The following EML6 variants were observed in gnomAD, a reference collection of about 807,000 sequenced individuals.
The protein encoded by EML6 is EMAP like 6.
A neutral mutation model predicts 240.1 loss-of-function variants in EML6; 154 were observed. The observed-to-expected ratio is 0.64, with a 90% CI of 0.56 to 0.73. EML6 has a LOEUF of 0.73. Among genes scored for constraint, EML6 ranks in the 30% least tolerant of loss-of-function variants. The pLI is 0.00. For missense variants in EML6, 2,964 were observed against 2,474.6 expected (o/e 1.20, Z -4.20); for synonymous variants, 1,148 against 899.0 (o/e 1.28, Z -4.95).
intron 28 of EML6, among the ~76,000 whole-genome samples, chr2:54,934,129 T>C (rs552215343): frequency 1.3e-5 from 2 of 152,330 alleles, no homozygotes; most frequent in African/African-American, 4.8e-5. Flanking sequence ...GTAATGTGAA[T>C]GTTGGAAAAT....
chr2:54,759,511 T>G (rs1195422029), intron 2 of EML6, among the ~76,000 whole-genome samples: 1 of 152,158 alleles, frequency 6.6e-6, no homozygotes, highest in African/African-American at 2.4e-5. Context: ...ACTAAACGCA[T>G]AGTAACTTTA....
intron 10 of EML6, among the ~76,000 whole-genome samples, chr2:54,852,762 C>T (rs1051063812): frequency 6.6e-6 from 1 of 152,142 alleles, no homozygotes; most frequent in Non-Finnish European, 1.5e-5. Context: ...TTATTCTCAC[C>T]AGTTCTTTAT....
chr2:54,723,941 G>C (rs1390377689), intron 1 of EML6, among the ~76,000 whole-genome samples, 164 bp downstream of exon 1: 1 of 152,220 alleles, frequency 6.6e-6, no homozygotes, highest in Non-Finnish European at 1.5e-5. Context: ...GTCTGTGGGG[G>C]GTTGCTGTCC....
At chr2:54,923,034 C>T (rs984784110) in intron 26 of EML6, among the ~76,000 whole-genome samples, 17 of 149,796 alleles carry the variant, frequency 1.1e-4, no homozygotes, top group Admixed American at 7.4e-4. Context: ...CTCTGCCTCC[C>T]GGGTTCAACC....
intron 2 of EML6, among the ~76,000 whole-genome samples, chr2:54,797,996 T>C (rs6737973): frequency 6.6e-6 from 1 of 152,192 alleles, no homozygotes; most frequent in Non-Finnish European, 1.5e-5. Context: ...TGTACTTCAA[T>C]ATAAGTGTCT....
intron 28 of EML6, among the ~76,000 whole-genome samples, chr2:54,944,012 C>G (rs1675558392): frequency 6.6e-6 from 1 of 152,152 alleles, no homozygotes; most frequent in Admixed American, 6.6e-5. Flanking sequence ...GCCTCCCTCT[C>G]TCTTCTCAGT....
chr2:54,850,449 C>T, intron 10 of EML6: 1 of 486,216 alleles, frequency 2.1e-6, no homozygotes, highest in South Asian at 3.0e-5. Flanking sequence ...AAAGTTGCTG[C>T]ACAACAAGGG....
intron 2 of EML6, among the ~76,000 whole-genome samples, chr2:54,791,385 G>T (rs1379177908): frequency 6.6e-6 from 1 of 152,200 alleles, no homozygotes; most frequent in African/African-American, 2.4e-5. Flanking sequence ...AAATGAGAAT[G>T]AGTCCGAATT....
chr2:54,965,624 A>C (rs1676714377), intron 38 of EML6, among the ~76,000 whole-genome samples: 1 of 152,156 alleles, frequency 6.6e-6, no homozygotes, highest in Non-Finnish European at 1.5e-5. Flanking sequence ...AATTGGTCAG[A>C]GATGAAATCA....
intron 2 of EML6, among the ~76,000 whole-genome samples, chr2:54,808,469 A>T (rs1572931911): frequency 6.6e-6 from 1 of 152,058 alleles, no homozygotes; most frequent in East Asian, 1.9e-4. Context: ...GGTTATCTTC[A>T]GGGCAGGGAG....
At chr2:54,882,304 C>G (rs1240346735) in intron 17 of EML6, 8 of 141,202 alleles carry the variant, frequency 5.7e-5, no homozygotes, top group Non-Finnish European at 1.2e-4. Context: ...AAAGATCATT[C>G]CAATTTTAGT....
rs1270148594 is a variant in EML6, at chr2:54,850,035, T to A, written c.1261T>A (p.Ser421Thr). 6.4e-7 allele frequency: 1 copy of A among 1,551,796 alleles called. No individual in the cohort carries two copies. The highest frequency in any genetic ancestry group is 8.7e-7 in the Non-Finnish European group (1 of 1,147,020). ...TGAAATGAAATTTTCTCCAGATGGT[T>A]CTTACCTTGCAGTGGGATCCAATGA... ...IHEMKFSPDG[S>T]YLAVGSNDGP... Residue 421 changes from serine (S) to threonine (T), a missense_variant, in exon 10 of 42, where the codon TCT becomes ACT. Physicochemically the swap from Ser to Thr is moderately conservative, Grantham distance 58. Transcript: ENST00000356458.
rs1156328042 is a variant in EML6 at position 54,970,278 on chromosome 2, G to A, written c.*183G>A. On this transcript the variant is annotated 3_prime_UTR_variant, in exon 42 of 42. Transcript: ENST00000356458. The stretch of plus-strand genomic sequence containing the variant: ...CCCATAATCTGGACTCTCCAAAACC[G>A]TGATGCCACGAAGGAAGGTCAAGTT... 17 of 634,426 alleles carry A rather than the reference G, an allele frequency of 2.7e-5. No homozygotes were observed. Among genetic ancestry groups the A allele is most frequent in the South Asian group, 2.6e-4 (14 of 53,642 alleles). The allele number at this position is 634,426 out of a possible 1,614,324, so 39.3% of individuals were successfully genotyped here.
At chr2:54,953,484 C>T (rs748350017) in intron 31 of EML6, among the ~76,000 whole-genome samples, 10 of 152,154 alleles carry the variant, frequency 6.6e-5, no homozygotes, top group Non-Finnish European at 1.3e-4. Flanking sequence ...CATAAATGTC[C>T]GTAGGGCTCT....
intron 24 of EML6, among the ~76,000 whole-genome samples, chr2:54,907,410 G>C (rs1673382114): frequency 6.6e-6 from 1 of 152,310 alleles, no homozygotes; most frequent in East Asian, 1.9e-4. Flanking sequence ...GGGAGGCTGA[G>C]GCCAGGAGAA....
At chr2:54,726,823 C>T (rs952380253) in intron 2 of EML6, among the ~76,000 whole-genome samples, 15 of 152,184 alleles carry the variant, frequency 9.9e-5, no homozygotes, top group African/African-American at 3.6e-4. Context: ...TAATGCAGTG[C>T]TTTCCATTAC....
intron 2 of EML6, among the ~76,000 whole-genome samples, chr2:54,796,591 G>A (rs1234460447): frequency 6.6e-6 from 1 of 151,796 alleles, no homozygotes; most frequent in Non-Finnish European, 1.5e-5. Flanking sequence ...TGAAAATTGA[G>A]TATATTAAAT....
intron 2 of EML6, among the ~76,000 whole-genome samples, chr2:54,796,306 C>T (rs1454306454): frequency 2.6e-5 from 4 of 152,068 alleles, no homozygotes; most frequent in Non-Finnish European, 4.4e-5. Flanking sequence ...CTTATTCAGT[C>T]TTTACTCATT....
Position 54,804,075 on chromosome 2 carries a change from C to G in EML6, c.198-9157C>G, listed in dbSNP as rs375268326. ...GATAGTATAAACTAGCAAATTAAGA[C>G]TTACCCTGAAAATGACTGTGTGCTA... On this transcript the variant is annotated intron_variant, in intron 2 of 41. Transcript: ENST00000356458. Among the ~76,000 whole-genome samples the G allele has an allele frequency of 6.6e-5, 10 of 152,320 alleles. No homozygotes were observed. In the East Asian group the frequency reaches 1.7e-3, roughly 26 times the overall value.
Sources: allele counts gnomAD v4.1 joint callset (sites outside exome capture counted in the v4.1 genomes callset), GRCh38; gene constraint gnomAD v4.1.1; transcripts MANE v1.5; gene names NCBI Gene and HGNC (gene_info 2026-07-23, HGNC 2026-07-21).